TNRC6A: variants seen among roughly 807,000 people sequenced by gnomAD.
The protein encoded by TNRC6A is trinucleotide repeat-containing gene 6A protein.
A neutral mutation model predicts 221.2 loss-of-function variants in TNRC6A; 44 were observed. The observed-to-expected ratio is 0.20, with a 90% CI of 0.16 to 0.26. The LOEUF (loss-of-function observed/expected upper bound fraction) is 0.26, where lower values mean the gene tolerates loss of function less well. Among genes scored for constraint, TNRC6A ranks in the 10% least tolerant of loss-of-function variants. TNRC6A has a pLI of 1.00. For synonymous variants in TNRC6A, 847 were observed against 838.5 expected, an observed-to-expected ratio of 1.01 and a Z score of -0.18; for missense variants, 2,199 against 2,404.4, an observed-to-expected ratio of 0.91 and a Z score of 1.79.
intron 11 of TNRC6A, chr16:24,803,887 C>T (rs1054327286): frequency 1.1e-5 from 3 of 267,618 alleles, no homozygotes; most frequent in Non-Finnish European, 1.4e-5. Flanking sequence ...GGCCACAAAG[C>T]GAGACTGTCT....
chr16:24,648,492 G>T (rs802765), intron 2 of TNRC6A, among the ~76,000 whole-genome samples: 39 of 151,778 alleles, frequency 2.6e-4, no homozygotes, highest in South Asian at 1.2e-3. Flanking sequence ...GGATGGTCTC[G>T]ATCTCCTGAC....
At chr16:24,730,139 C>G in intron 1 of TNRC6A, 114 bp from the exon 2 acceptor site, 1 of 1,035,070 alleles carries the variant, frequency 9.7e-7, no homozygotes, top group Non-Finnish European at 1.4e-6. Context: ...CGTCCTCTCC[C>G]CTCCCCCATC....
chr16:24,628,391 G>T (rs1300985016), intron 1 of TNRC6A, among the ~76,000 whole-genome samples: 1 of 152,012 alleles, frequency 6.6e-6, no homozygotes, highest in Non-Finnish European at 1.5e-5. Flanking sequence ...TTGCACTCCA[G>T]CCTGGGTGAA....
chr16:24,819,507 C>CTTTTTTTTTTTTTTTTTTTT (rs71383722), intron 21 of TNRC6A: 37 of 81,820 alleles, frequency 4.5e-4, no homozygotes, highest in South Asian at 1.0e-3. Flanking sequence ...CTTTTTCTTT[C>CTTTTTTTTTTTTTTTTTTTT]TTTTTTTTTT....
chr16:24,734,502 C>CT (rs1157005569), intron 2 of TNRC6A, among the ~76,000 whole-genome samples: 3 of 152,112 alleles, frequency 2.0e-5, no homozygotes, highest in Admixed American at 1.3e-4. Context: ...ATATTTAGAG[C>CT]TGGACTATGA....
At chr16:24,767,332 C>T (rs1379082347) in intron 4 of TNRC6A, among the ~76,000 whole-genome samples, 3 of 152,194 alleles carry the variant, frequency 2.0e-5, no homozygotes, top group Non-Finnish European at 4.4e-5. Flanking sequence ...TTGAATGCTT[C>T]TCTGTATTAG....
intron 2 of TNRC6A, among the ~76,000 whole-genome samples, chr16:24,660,072 AT>A (rs1182664524): frequency 1.3e-5 from 2 of 150,930 alleles, no homozygotes; most frequent in Non-Finnish European, 2.9e-5. Context: ...ATTTTATTTT[AT>A]TTTTTTAACT....
intron 2 of TNRC6A, among the ~76,000 whole-genome samples, chr16:24,702,192 T>TTTTTGAGGCAGGG (rs2055998963): frequency 6.7e-6 from 1 of 150,208 alleles, no homozygotes; most frequent in African/African-American, 2.4e-5. Flanking sequence ...CTTTTTTTTT[T>TTTTTGAGGCAGGG]TTTGAGGCAG....
chr16:24,734,697 G>T lies in TNRC6A; in HGVS notation c.53+4397G>T, dbSNP rs2056723584. Among the ~76,000 whole-genome samples the T allele has an allele frequency of 2.0e-5, 3 of 152,044 alleles. No individual in the cohort carries two copies. The South Asian group carries it at 6.2e-4, about 32-fold the overall frequency. On this transcript the variant is annotated intron_variant, in intron 2 of 24. Transcript: ENST00000395799. ...CATGTGCAGTATTTTATTTTATATT[G>T]CACAATAGATAAAATATAATTTTGG...
chr16:24,759,358 A>G (rs897002460), intron 4 of TNRC6A, among the ~76,000 whole-genome samples: 1 of 152,218 alleles, frequency 6.6e-6, no homozygotes, highest in African/African-American at 2.4e-5. Flanking sequence ...GAGGCATTCA[A>G]GACTTAAGCA....
intron 2 of TNRC6A, among the ~76,000 whole-genome samples, chr16:24,666,660 A>ATATATATAT (rs1191336660): frequency 8.4e-6 from 1 of 119,192 alleles, no homozygotes; most frequent in Admixed American, 9.8e-5. Flanking sequence ...AAAAAAAAAA[A>ATATATATAT]AAAAAAAAAT....
intron 2 of TNRC6A, among the ~76,000 whole-genome samples, chr16:24,746,774 T>C (rs1454484424): frequency 6.6e-6 from 1 of 152,224 alleles, no homozygotes; most frequent in Non-Finnish European, 1.5e-5. Flanking sequence ...TTAATTTTAA[T>C]GATATTCAGG....
chr16:24,802,115 T>G (rs1304384396), intron 11 of TNRC6A, among the ~76,000 whole-genome samples: 1 of 152,208 alleles, frequency 6.6e-6, no homozygotes, highest in Admixed American at 6.5e-5. Flanking sequence ...TCCACTTACC[T>G]GGAATGAGAG....
intron 21 of TNRC6A, among the ~76,000 whole-genome samples, chr16:24,819,399 G>A (rs897207698): frequency 6.6e-6 from 1 of 151,922 alleles, no homozygotes; most frequent in African/African-American, 2.4e-5. Context: ...GAGGCAGTGT[G>A]TGTCAGGAAC....
intron 3 of TNRC6A, among the ~76,000 whole-genome samples, chr16:24,753,607 C>T (rs1182295423): frequency 6.6e-6 from 1 of 152,088 alleles, no homozygotes; most frequent in African/African-American, 2.4e-5. Context: ...CACTTATAGC[C>T]CATATGAGGA....
intron 2 of TNRC6A, among the ~76,000 whole-genome samples, chr16:24,656,673 G>A (rs2141880825): frequency 6.6e-6 from 1 of 152,056 alleles, no homozygotes; most frequent in East Asian, 1.9e-4. Flanking sequence ...AAAATATTTA[G>A]AACTTTTAAA....
chr16:24,787,299 C>T (rs1032329853), intron 5 of TNRC6A, among the ~76,000 whole-genome samples: 3 of 152,144 alleles, frequency 2.0e-5, no homozygotes, highest in African/African-American at 7.2e-5. Flanking sequence ...GTCCTGTCTA[C>T]ATTCTTAGGC....
At chr16:24,660,154 C>T (rs910108396) in intron 2 of TNRC6A, among the ~76,000 whole-genome samples, 6 of 151,874 alleles carry the variant, frequency 4.0e-5, no homozygotes, top group Admixed American at 2.0e-4. Flanking sequence ...AGTGGTGATG[C>T]GTGAGATTTT....
intron 2 of TNRC6A, among the ~76,000 whole-genome samples, chr16:24,655,553 G>A (rs2054893188): frequency 6.6e-6 from 1 of 152,092 alleles, no homozygotes; most frequent in Non-Finnish European, 1.5e-5. Context: ...GCCAGGCGTG[G>A]TGGCACATGT....
Sources: allele counts gnomAD v4.1 joint callset (sites outside exome capture counted in the v4.1 genomes callset), GRCh38; gene constraint gnomAD v4.1.1; transcripts MANE v1.5; gene names NCBI Gene and HGNC (gene_info 2026-07-23, HGNC 2026-07-21).